NRG1: variants seen among roughly 807,000 people sequenced by gnomAD.
The protein encoded by NRG1 is neuregulin 1, also known as pro-neuregulin-1, membrane-bound isoform.
In NRG1, 18 loss-of-function variants were observed where a neutral mutation model predicts 63.8. The observed-to-expected ratio is 0.28, with a 90% CI of 0.19 to 0.42. NRG1 has a LOEUF of 0.42. Ranked by LOEUF, NRG1 falls within the 10% of genes least tolerant of loss-of-function variation. NRG1 has a pLI of 1.00. For synonymous variants in NRG1, 302 were observed against 301.3 expected (o/e 1.00, Z -0.02); for missense variants, 762 against 814.7 (o/e 0.94, Z 0.79).
intron 1 of NRG1, among the ~76,000 whole-genome samples, chr8:32,521,314 C>A (rs938712788): frequency 3.3e-5 from 5 of 152,122 alleles, no homozygotes; most frequent in African/African-American, 1.2e-4. Flanking sequence ...TTGGTTTTGA[C>A]AACACATAGG....
intron 1 of NRG1, among the ~76,000 whole-genome samples, chr8:32,393,246 A>G (rs75871623): frequency 6.6e-6 from 1 of 152,212 alleles, no homozygotes; most frequent in Non-Finnish European, 1.5e-5. Context: ...CTTACAGGGA[A>G]TGAGACTTTT....
intron 5 of NRG1, among the ~76,000 whole-genome samples, chr8:32,678,911 C>A (rs199944220): frequency 6.6e-6 from 1 of 151,472 alleles, no homozygotes; most frequent in Non-Finnish European, 1.5e-5. Flanking sequence ...TTATTGGTGA[C>A]GAGCTGGGTA....
At chr8:32,715,547 A>G (rs1818953686) in intron 5 of NRG1, among the ~76,000 whole-genome samples, 1 of 152,192 alleles carries the variant, frequency 6.6e-6, no homozygotes, top group Non-Finnish European at 1.5e-5. Flanking sequence ...GTGTGAAACC[A>G]AGAAAAGTCT....
intron 1 of NRG1, among the ~76,000 whole-genome samples, chr8:31,721,040 A>G (rs531010521): frequency 6.6e-6 from 1 of 152,302 alleles, no homozygotes; most frequent in East Asian, 1.9e-4. Flanking sequence ...TAGAAATTGC[A>G]ACCAGACAGC....
intron 1 of NRG1, among the ~76,000 whole-genome samples, chr8:32,141,424 C>T (rs1056090590): frequency 2.0e-5 from 3 of 151,332 alleles, no homozygotes; most frequent in South Asian, 2.1e-4. Flanking sequence ...CCATGTTTCT[C>T]GTCTTTCGTT....
At chr8:31,880,332 C>T (rs1338737630) in intron 1 of NRG1, among the ~76,000 whole-genome samples, 1 of 152,136 alleles carries the variant, frequency 6.6e-6, no homozygotes, top group Non-Finnish European at 1.5e-5. Flanking sequence ...TGGGGGCCTT[C>T]TCTAAGAAGG....
chr8:31,870,759 G>A (rs1829409497), intron 1 of NRG1, among the ~76,000 whole-genome samples: 1 of 151,788 alleles, frequency 6.6e-6, no homozygotes, highest in African/African-American at 2.4e-5. Context: ...TTTTTTAGTG[G>A]CTGTTTGTTG....
At chr8:31,815,682 C>T (rs1274490809) in intron 1 of NRG1, among the ~76,000 whole-genome samples, 2 of 152,192 alleles carry the variant, frequency 1.3e-5, no homozygotes, top group Non-Finnish European at 2.9e-5. Flanking sequence ...TTTTCCACAG[C>T]ATCTGTACCA....
intron 1 of NRG1, among the ~76,000 whole-genome samples, chr8:32,365,963 A>C (rs1802133857): frequency 1.3e-5 from 2 of 152,256 alleles, no homozygotes; most frequent in South Asian, 4.1e-4. Flanking sequence ...CTGTCTTTCT[A>C]TTCATAGGCT....
exon 6 of NRG1, chr8:32,727,957 A>G (rs1259295131): frequency 6.2e-7 from 1 of 1,614,034 alleles, no homozygotes. Flanking sequence ...AGCTACATCT[A>G]CATCCACCAC....
intron 1 of NRG1, among the ~76,000 whole-genome samples, chr8:31,936,521 C>T (rs1400610468): frequency 1.3e-5 from 2 of 152,108 alleles, no homozygotes; most frequent in Non-Finnish European, 2.9e-5. Context: ...CAAAACAACA[C>T]ATCCAAAAAA....
intron 1 of NRG1, among the ~76,000 whole-genome samples, chr8:32,101,445 T>A (rs1368935274): frequency 6.6e-6 from 1 of 151,464 alleles, no homozygotes; most frequent in African/African-American, 2.4e-5. Context: ...AGGCCAGCAG[T>A]CTTTTTCATA....
intron 1 of NRG1, among the ~76,000 whole-genome samples, chr8:32,441,992 G>C (rs2129487488): frequency 6.6e-6 from 1 of 152,270 alleles, no homozygotes; most frequent in Non-Finnish European, 1.5e-5. Flanking sequence ...ATGAAGGTCA[G>C]TGCTTCATAA....
At chr8:32,156,202 T>G (rs1019192101) in intron 1 of NRG1, among the ~76,000 whole-genome samples, 4 of 152,184 alleles carry the variant, frequency 2.6e-5, no homozygotes, top group Non-Finnish European at 5.9e-5. Flanking sequence ...GATTCAGGTT[T>G]GGCAGTTCCC....
chr8:32,455,906 TGAGTA>T (rs1821533004), intron 1 of NRG1, among the ~76,000 whole-genome samples: 1 of 152,200 alleles, frequency 6.6e-6, no homozygotes, highest in African/African-American at 2.4e-5. Flanking sequence ...GCTCAGCCTC[TGAGTA>T]GCTGGGACTA....
chr8:31,853,655 A>G (rs546276361), intron 1 of NRG1, among the ~76,000 whole-genome samples: 5 of 151,696 alleles, frequency 3.3e-5, no homozygotes, highest in African/African-American at 1.2e-4. Flanking sequence ...TATGTTGAAT[A>G]GTAGTGGTGA....
intron 1 of NRG1, among the ~76,000 whole-genome samples, chr8:32,491,903 C>A (rs559719093): frequency 2.0e-5 from 3 of 152,224 alleles, no homozygotes; most frequent in South Asian, 2.1e-4. Context: ...CCCTTATATC[C>A]TTTTACTATA....
chr8:32,288,705 A>G (rs1853837075), intron 1 of NRG1, among the ~76,000 whole-genome samples: 1 of 152,058 alleles, frequency 6.6e-6, no homozygotes, highest in South Asian at 2.1e-4. Flanking sequence ...GAAAACTAGG[A>G]TTCTTCATTT....
chr8:31,640,006 C>T lies in NRG1; in HGVS notation c.37+575C>T, dbSNP rs941129913. 5.2e-5 allele frequency: 59 copies of T among 1,127,344 alleles called. No homozygotes were observed. Among genetic ancestry groups the T allele is most frequent in the Non-Finnish European group, 6.2e-5 (57 of 922,794 alleles). The allele number at this position is 1,127,344 out of a possible 1,614,324, so 69.8% of individuals were successfully genotyped here. A position where few individuals can be genotyped will look rare whatever the true frequency, so the allele number is the denominator to read the frequency against. On this transcript the variant is annotated intron_variant, in intron 1 of 10. Coordinates refer to the NRG1 transcript ENST00000519301. This position sits in a 1 kb window ranked among gnomAD's most constrained non-coding sequence, Gnocchi z 6.3. Reference sequence around the variant, plus strand: ...CACCATGAGATGGCGACGCGCCCCGCGCCGCTCCGGGCGTCCCGGCCCCCG... The same window carrying T: ...CACCATGAGATGGCGACGCGCCCCGTGCCGCTCCGGGCGTCCCGGCCCCCG...
Sources: allele counts gnomAD v4.1 joint callset (sites outside exome capture counted in the v4.1 genomes callset), GRCh38; gene constraint gnomAD v4.1.1; non-coding constraint Gnocchi (gnomAD v3.1); transcripts MANE v1.5; gene names NCBI Gene and HGNC (gene_info 2026-07-23, HGNC 2026-07-21).